FBXO10: variants seen among roughly 807,000 people sequenced by gnomAD.
FBXO10 encodes F-box protein 10, also known as F-box only protein 10.
Under a neutral mutation model 80.7 loss-of-function variants are expected in FBXO10, and 39 were observed. The ratio of observed to expected loss-of-function variants is 0.48; its 90% CI spans 0.37 to 0.63. The LOEUF (loss-of-function observed/expected upper bound fraction) is 0.63, where lower values mean the gene tolerates loss of function less well. Ranked by LOEUF, FBXO10 falls within the 30% of genes least tolerant of loss-of-function variation. FBXO10 has a pLI of 0.00. For missense variants in FBXO10, 1,025 were observed against 1,269.0 expected, an observed-to-expected ratio of 0.81 and a Z score of 2.92; for synonymous variants, 449 against 489.6, an observed-to-expected ratio of 0.92 and a Z score of 1.09.
chr9:37,539,733 T>C (rs933206230), intron 2 of FBXO10, among the ~76,000 whole-genome samples: 5 of 152,340 alleles, frequency 3.3e-5, no homozygotes, highest in African/African-American at 1.2e-4. Flanking sequence ...TAACATAGCA[T>C]GATGTAATTT....
At position 37,537,719 on chromosome 9, in the gene FBXO10, G is replaced by A. The variant is rs1469881340; in HGVS notation, c.810C>T (p.Tyr270=). The A allele has an allele frequency of 7.4e-6, 12 of 1,614,014 alleles. No homozygotes were observed. The highest frequency in any genetic ancestry group is 8.5e-6 in the Non-Finnish European group (10 of 1,179,874). Residue 270 remains tyrosine (Y), a synonymous_variant, in exon 3 of 11, where the codon TAC becomes TAT. Coordinates refer to ENST00000432825, the MANE Select transcript of FBXO10 (RefSeq NM_012166.3). ...ACTTGATAAGCCCTAGTAGATACTT[G>A]TAGGCCCAGTTCTTATCTGCAGATG... ...GHPSADKNWA[Y]KYLLGLIKSS... is the part of the protein sequence containing the mutation.
chr9:37,535,870 G>A (rs535134503), intron 3 of FBXO10: 1 of 152,338 alleles, frequency 6.6e-6, no homozygotes, highest in South Asian at 2.1e-4. Context: ...GCCGACTTAA[G>A]GGGCAGAGCC....
intron 9 of FBXO10, among the ~76,000 whole-genome samples, chr9:37,516,532 G>C (rs1228877482): frequency 6.6e-6 from 1 of 152,192 alleles, no homozygotes; most frequent in Non-Finnish European, 1.5e-5. Flanking sequence ...AGAGGCTTTA[G>C]GCGACCCAGC....
At chr9:37,560,908 C>T (rs890623976) in intron 1 of FBXO10, among the ~76,000 whole-genome samples, 3 of 151,978 alleles carry the variant, frequency 2.0e-5, no homozygotes, top group Non-Finnish European at 4.4e-5. Flanking sequence ...TTTGGGAGGC[C>T]GAGGCAGGCA....
At chr9:37,541,081 C>A in intron 2 of FBXO10, 103 bp downstream of exon 2, 1 of 1,037,142 alleles carries the variant, frequency 9.6e-7, no homozygotes, top group Non-Finnish European at 1.4e-6. Context: ...AATAATAACT[C>A]TTAACTTTCA....
intron 1 of FBXO10, among the ~76,000 whole-genome samples, chr9:37,563,936 T>C (rs190409710): frequency 2.8e-4 from 43 of 152,290 alleles, no homozygotes; most frequent in African/African-American, 1.0e-3. Context: ...ACCAAGATAA[T>C]GTGGAAAATG....
chr9:37,519,169 A>C (rs1382492356), intron 8 of FBXO10, among the ~76,000 whole-genome samples: 2 of 152,188 alleles, frequency 1.3e-5, no homozygotes, highest in Non-Finnish European at 2.9e-5. Flanking sequence ...TCGGCCTCCC[A>C]AAGTGCTGGG....
chr9:37,541,649 G>C lies in FBXO10; in HGVS notation c.120C>G (p.Leu40=), dbSNP rs201872743. The C allele has an allele frequency of 3.1e-6, 5 of 1,613,836 alleles. No individual in the cohort carries two copies. The highest frequency in any genetic ancestry group is 4.2e-6 in the Non-Finnish European group (5 of 1,179,838). Residue 40 remains leucine, a synonymous_variant, in exon 2 of 11, where the codon CTC becomes CTG. Transcript: ENST00000432825. ...CRAWYELILS[L]DSTRWRQLCL... The stretch of plus-strand genomic sequence containing the variant: ...ACAGCTGCCGCCAGCGGGTGCTGTC[G>C]AGACTGAGGATCAGTTCATACCAGG...
intron 1 of FBXO10, 46 bp from the exon 2 acceptor site, chr9:37,541,820 T>A (rs773463662): frequency 2.9e-5 from 42 of 1,445,386 alleles, no homozygotes; most frequent in Non-Finnish European, 3.9e-5. Context: ...CTATCCTACT[T>A]ACCAGTCCCC....
chr9:37,512,856 G>A (rs1821097340), intron 10 of FBXO10, 135 bp from the exon 11 acceptor site: 1 of 898,468 alleles, frequency 1.1e-6, no homozygotes, highest in Admixed American at 2.9e-5. Context: ...TTATCTTCCA[G>A]TTTAGTGTTA....
chr9:37,574,684 G>T lies in FBXO10; in HGVS notation c.-7+1527C>A, dbSNP rs546483388. Among the ~76,000 whole-genome samples the T allele has an allele frequency of 3.9e-5, 6 of 152,330 alleles. No individual in the cohort carries two copies. In the South Asian group the frequency reaches 1.2e-3, roughly 32 times the overall value. On this transcript the variant is annotated intron_variant, in intron 1 of 10. Transcript: ENST00000432825. Reference sequence around the variant, plus strand: ...TCTCTGTGTGCTCCTATCCCTGGAGGCCAGCTGTTATGAGGTAAGCTCACT... The same window carrying T: ...TCTCTGTGTGCTCCTATCCCTGGAGTCCAGCTGTTATGAGGTAAGCTCACT...
rs1822475906 is a variant in FBXO10, at chr9:37,561,241, A to G, written c.-7+14970T>C. Among the ~76,000 whole-genome samples, 3 of 149,648 alleles carry G rather than the reference A, an allele frequency of 2.0e-5. No homozygotes were observed. The South Asian group carries it at 6.3e-4, about 32-fold the overall frequency. ...GTTGCCCAGGCTGGAGTACAGTGGC[A>G]GGATCATAGCTCACTGCAGCCTCGA... On this transcript the variant is annotated intron_variant, in intron 1 of 10. Coordinates refer to ENST00000432825, the MANE Select transcript of FBXO10 (RefSeq NM_012166.3).
At chr9:37,539,793 T>C (rs564205311) in intron 2 of FBXO10, among the ~76,000 whole-genome samples, 3 of 152,284 alleles carry the variant, frequency 2.0e-5, no homozygotes, top group Middle Eastern at 3.4e-3. Flanking sequence ...ACTTCCCTAA[T>C]TACCCACTTG....
chr9:37,531,743 T>C (rs968064094), intron 4 of FBXO10, among the ~76,000 whole-genome samples, 166 bp downstream of exon 4: 6 of 152,210 alleles, frequency 3.9e-5, no homozygotes, highest in African/African-American at 1.2e-4. Flanking sequence ...TCACTGCTAA[T>C]ACACAGACAG....
In FBXO10 at chr9:37,576,371, G is replaced by C. The variant is rs1822896635; in HGVS notation, c.-167C>G. 6.6e-6 allele frequency: 1 copy of C among 152,162 alleles called. No individual in the cohort carries two copies. Among genetic ancestry groups the C allele is most frequent in the Non-Finnish European group, 1.5e-5 (1 of 68,026 alleles). 9.4% of individuals were successfully genotyped at this position (152,162 alleles called of 1,614,324 possible). A position where few individuals can be genotyped will look rare whatever the true frequency, so the allele number is the denominator to read the frequency against. ...TGCCTGGGGATCGTGCGGAGCCGCC[G>C]CCGTCATGTGACGCGCAAGGCGGCG... is the stretch of plus-strand genomic sequence containing the variant. On this transcript the variant is annotated 5_prime_UTR_variant, in exon 1 of 11. Transcript: ENST00000432825.
rs138366871 is a variant in FBXO10, at chr9:37,512,619, C to A, written c.2799G>T (p.Met933Ile). Residue 933 changes from methionine to isoleucine, a missense_variant, in exon 11 of 11, where the codon ATG becomes ATT. Met to Ile is a conservative substitution (Grantham distance 10). Around this residue, in one of 3 missense-constraint regions of FBXO10, gnomAD observed 97 missense variants for 101.8 expected, o/e 0.95. Transcript: ENST00000432825. ...AAHNGQKVTA[M>I]ATRITARVEG... ...CCACCCGGGCTGTGATCCTCGTTGC[C>A]ATGGCTGTCACCTTCTGCCCATTGT... 3 of 1,614,048 alleles carry A rather than the reference C, an allele frequency of 1.9e-6. No individual in the cohort carries two copies. The highest frequency in any genetic ancestry group is 2.7e-5 in the African/African-American group (2 of 75,058).
At chr9:37,563,157 A>G (rs1405429596) in intron 1 of FBXO10, among the ~76,000 whole-genome samples, 1 of 152,090 alleles carries the variant, frequency 6.6e-6, no homozygotes, top group Non-Finnish European at 1.5e-5. Flanking sequence ...GCTTGCACTC[A>G]TTCTCTCTCC....
intron 1 of FBXO10, among the ~76,000 whole-genome samples, chr9:37,561,842 A>G (rs1174224334): frequency 5.9e-5 from 9 of 152,228 alleles, no homozygotes. Context: ...TATTTCAGAC[A>G]GGGTTGTCAA....
At position 37,537,184 on chromosome 9, in the gene FBXO10, G is replaced by A. The variant is rs1821788398; in HGVS notation, c.1345C>T (p.His449Tyr). The change falls in exon 3 of 11, where the codon CAC becomes TAC. Residue 449 changes from histidine (H) to tyrosine (Y), a missense_variant. Around this residue, in one of 3 missense-constraint regions of FBXO10, gnomAD observed 478 missense variants for 667.8 expected, o/e 0.72. Transcript: ENST00000432825. ...DGKGGVFVCS[H>Y]GRAKMEGNIF... ...TTTCCTTCCATCTTGGCTCTGCCGT[G>A]GGAGCAGACGAAGACGCCTCCCTTC... The A allele has an allele frequency of 6.2e-7, 1 of 1,613,988 alleles. No homozygotes were observed. The highest frequency in any genetic ancestry group is 8.5e-7 in the Non-Finnish European group (1 of 1,179,900).
Sources: gnomAD v4.1 joint callset for allele counts (sites outside exome capture counted in the v4.1 genomes callset) on GRCh38, gnomAD v4.1.1 for gene constraint, gnomAD v4.1.1 regional missense constraint, MANE v1.5 for transcripts, NCBI Gene and HGNC (gene_info 2026-07-23, HGNC 2026-07-21) for gene names.